The following HNRNPL variants were observed in gnomAD, a reference collection of about 807,000 sequenced individuals.
HNRNPL encodes epididymis secretory sperm binding protein.
A neutral mutation model predicts 64.0 loss-of-function variants in HNRNPL; 12 were observed. That is an observed-to-expected ratio of 0.19 (90% CI 0.12 to 0.30). HNRNPL has a LOEUF of 0.30. Among genes scored for constraint, HNRNPL ranks in the 10% least tolerant of loss-of-function variants. The pLI, the probability that HNRNPL is intolerant of heterozygous loss-of-function variation, is 1.00. For synonymous variants in HNRNPL, 385 were observed against 313.0 expected (o/e 1.23, Z -2.43); for missense variants, 484 against 797.4 (o/e 0.61, Z 4.73).
Position 38,847,437 on chromosome 19 carries a change from G to C in HNRNPL, c.268-3C>G. 6.8e-7 allele frequency: 1 copy of C among 1,481,316 alleles called. No individual in the cohort carries two copies. The highest frequency in any genetic ancestry group is 9.0e-7 in the Non-Finnish European group (1 of 1,106,580). The allele number at this position is 1,481,316 out of a possible 1,614,324, so 91.8% of individuals were successfully genotyped here. ...TTGTGCGGGTCATCGTAGTTCTCCT[G>C]AGAAAGGAAGCAAAAACAAGAATTA... On this transcript the variant is annotated splice_polypyrimidine_tract_variant and splice_region_variant and intron_variant, in intron 1 of 12. Transcript: ENST00000221419.
intron 6 of HNRNPL, chr19:38,841,555 A>G: frequency 1.4e-6 from 1 of 723,020 alleles, no homozygotes; most frequent in Non-Finnish European, 2.1e-6. Context: ...TACTTACAGC[A>G]GAAGTACAGA....
chr19:38,837,423 T>A lies in HNRNPL; in HGVS notation c.1672A>T (p.Thr558Ser). The stretch of plus-strand genomic sequence containing the variant: ...TGGTAATGGTTCAGGAAGCCCAGAG[T>A]CTCCAGGGCATCGCTCTTGGATTCC... ...EWESKSDALE[T>S]LGFLNHYQMK... The change falls in exon 12 of 13, where the codon ACT (threonine) becomes TCT (serine). Residue 558 changes from threonine to serine, a missense_variant. Physicochemically the swap from Thr to Ser is moderately conservative, Grantham distance 58. This residue lies in a region of HNRNPL where 69 missense variants were observed against 91.8 expected (regional missense o/e 0.75). Transcript: ENST00000221419. 2 of 1,613,934 alleles carry A rather than the reference T, an allele frequency of 1.2e-6. No homozygotes were observed. The highest frequency in any genetic ancestry group is 1.7e-6 in the Non-Finnish European group (2 of 1,179,938).
intron 9 of HNRNPL, 93 bp downstream of exon 9, chr19:38,838,801 C>CA: frequency 6.5e-7 from 1 of 1,530,376 alleles, no homozygotes; most frequent in Non-Finnish European, 9.0e-7. Context: ...TGTGAGTCAA[C>CA]ACCTCGGCCT....
At chr19:38,848,735 C>A (rs1972390294) in intron 1 of HNRNPL, among the ~76,000 whole-genome samples, 2 of 152,228 alleles carry the variant, frequency 1.3e-5, no homozygotes. Context: ...CACCTCATCT[C>A]ATCTCTCTCC....
At chr19:38,838,674 G>T (rs1972010228) in intron 9 of HNRNPL, 76 bp from the exon 10 acceptor site, 2 of 1,456,058 alleles carry the variant, frequency 1.4e-6, no homozygotes, top group East Asian at 2.3e-5. Context: ...GCCTCCAGAG[G>T]CTTAGCTTGC....
chr19:38,840,796 A>AC, intron 6 of HNRNPL: 1 of 539,400 alleles, frequency 1.9e-6, no homozygotes. Context: ...TTGTTCTGTG[A>AC]AGGACAAGGC....
chr19:38,848,633 G>A (rs1363646094), intron 1 of HNRNPL, among the ~76,000 whole-genome samples: 1 of 152,206 alleles, frequency 6.6e-6, no homozygotes, highest in Non-Finnish European at 1.5e-5. Flanking sequence ...GCGAACCACA[G>A]GGTGAGGCAC....
rs1312535064 is a variant in HNRNPL, at chr19:38,838,498, A to C, written c.1456T>G (p.Ser486Ala). ...DFSESRNNRF[S>A]TPEQAAKNRI... Reference sequence around the variant, plus strand: ...TTCTTGGCTGCCTGCTCTGGGGTGGAGAACCGATTGTTCCGGGATTCACTG... The same window carrying C: ...TTCTTGGCTGCCTGCTCTGGGGTGGCGAACCGATTGTTCCGGGATTCACTG... Residue 486 changes from serine (S) to alanine (A), a missense_variant, in exon 10 of 13, where the codon TCC becomes GCC. Coordinates refer to ENST00000221419, the MANE Select transcript of HNRNPL (RefSeq NM_001533.3). The C allele has an allele frequency of 6.2e-7, 1 of 1,614,006 alleles. No homozygotes were observed. The highest frequency in any genetic ancestry group is 1.3e-5 in the African/African-American group (1 of 74,908).
At chr19:38,846,870 C>T (rs140520929) in intron 2 of HNRNPL, among the ~76,000 whole-genome samples, 1 of 152,230 alleles carries the variant, frequency 6.6e-6, no homozygotes, top group East Asian at 1.9e-4. Flanking sequence ...ATTGTCACTG[C>T]ACTCCAGCCT....
intron 8 of HNRNPL, among the ~76,000 whole-genome samples, chr19:38,839,861 G>A (rs1455963588): frequency 2.0e-5 from 3 of 152,176 alleles, no homozygotes; most frequent in Non-Finnish European, 4.4e-5. Flanking sequence ...ACTGGTATTA[G>A]TACTTTTATG....
intron 2 of HNRNPL, among the ~76,000 whole-genome samples, 179 bp downstream of exon 2, chr19:38,847,137 G>C (rs776513239): frequency 6.6e-6 from 1 of 152,166 alleles, no homozygotes; most frequent in South Asian, 2.1e-4. Flanking sequence ...AAGGAAAAAG[G>C]GTCATGGAAC....
Position 38,849,860 on chromosome 19 carries a change from G to T in HNRNPL, c.107C>A (p.Ala36Glu). 8.2e-7 allele frequency: 1 copy of T among 1,216,558 alleles called. No individual in the cohort carries two copies. Among genetic ancestry groups the T allele is most frequent in the Non-Finnish European group, 1.2e-6 (1 of 862,078 alleles). The allele number at this position is 1,216,558 out of a possible 1,614,324, so 75.4% of individuals were successfully genotyped here. A position where few individuals can be genotyped will look rare whatever the true frequency, so the allele number is the denominator to read the frequency against. Reference protein sequence around the residue: ...RRRSGAMVKMAAAGGGGGGGR... With the variant: ...RRRSGAMVKMEAAGGGGGGGR... ...ACCGCCGCCTCCGCCGCCCGCCGCC[G>T]CCATCTTCACCATCGCTCCCGACCG... Residue 36 changes from alanine to glutamate, a missense_variant, in exon 1 of 13, where the codon GCG becomes GAG. By Grantham distance (107) the Ala-to-Glu change is moderately radical (BLOSUM62 -1). Coordinates refer to ENST00000221419, the MANE Select transcript of HNRNPL (RefSeq NM_001533.3).
rs535615136 is a variant in HNRNPL at position 38,839,021 on chromosome 19, G to A, written c.1234-6C>T. ...TTGCTTTTCATGAATTTCACCTTGG[G>A]GAGAGTAGCTGCAGTCAGCACCTCT... On this transcript the variant is annotated splice_polypyrimidine_tract_variant and splice_region_variant and intron_variant, in intron 8 of 12. Coordinates refer to ENST00000221419, the MANE Select transcript of HNRNPL (RefSeq NM_001533.3). 2 of 1,613,920 alleles carry A rather than the reference G, an allele frequency of 1.2e-6. No individual in the cohort carries two copies. The highest frequency in any genetic ancestry group is 1.3e-5 in the African/African-American group (1 of 75,002).
Position 38,847,407 on chromosome 19 carries a change from G to A in HNRNPL, c.295C>T (p.Pro99Ser). 1 of 1,550,376 alleles carries A rather than the reference G, an allele frequency of 6.5e-7. No individual in the cohort carries two copies. The highest frequency in any genetic ancestry group is 8.7e-7 in the Non-Finnish European group (1 of 1,149,254). ...CTGATGTGGACAACTGGGGAGGCAG[G>A]GGTTTTGTGCGGGTCATCGTAGTTC... ...GENYDDPHKT[P>S]ASPVVHIRGL... Residue 99 changes from proline to serine, a missense_variant, in exon 2 of 13, where the codon CCT becomes TCT. This residue lies in a region of HNRNPL where 190 missense variants were observed against 160.1 expected (regional missense o/e 1.19). Coordinates refer to ENST00000221419, the MANE Select transcript of HNRNPL (RefSeq NM_001533.3).
chr19:38,840,385 T>C lies in HNRNPL; in HGVS notation c.953-9A>G. 6.6e-7 allele frequency: 1 copy of C among 1,515,132 alleles called. No individual in the cohort carries two copies. The highest frequency in any genetic ancestry group is 2.4e-5 in the East Asian group (1 of 42,370). 93.9% of individuals were successfully genotyped at this position (1,515,132 alleles called of 1,614,324 possible). A position where few individuals can be genotyped will look rare whatever the true frequency, so the allele number is the denominator to read the frequency against. ...CCCACCGTGGGGCCCTCCTGGGGGG[T>C]GGGAAGGAAAGAGAGGGAGGACGGG... is the stretch of plus-strand genomic sequence containing the variant. On this transcript the variant is annotated splice_polypyrimidine_tract_variant and intron_variant, in intron 7 of 12. Coordinates refer to ENST00000221419, the MANE Select transcript of HNRNPL (RefSeq NM_001533.3).
upstream of HNRNPL, chr19:38,851,267 T>C (rs1464129505): frequency 6.6e-6 from 1 of 152,264 alleles, no homozygotes; most frequent in African/African-American, 2.4e-5. Flanking sequence ...ACCAAGAGAA[T>C]GTCGGAGGGT....
At position 38,839,032 on chromosome 19, in the gene HNRNPL, G is replaced by C; in HGVS notation, c.1234-17C>G. ...GAATTTCACCTTGGGGAGAGTAGCT[G>C]CAGTCAGCACCTCTGTCCAGCTGCC... On this transcript the variant is annotated splice_polypyrimidine_tract_variant and intron_variant, in intron 8 of 12. Transcript: ENST00000221419. 6.2e-7 allele frequency: 1 copy of C among 1,613,730 alleles called. No individual in the cohort carries two copies. Among genetic ancestry groups the C allele is most frequent in the Non-Finnish European group, 8.5e-7 (1 of 1,179,820 alleles).
intron 6 of HNRNPL, chr19:38,841,909 T>A (rs1301270837): frequency 3.3e-5 from 12 of 360,050 alleles, no homozygotes; most frequent in African/African-American, 2.1e-4. Flanking sequence ...GGTGGTGCGG[T>A]GCTTCTGGCT....
At chr19:38,851,533 C>T (rs1470618698), upstream of HNRNPL, among the ~76,000 whole-genome samples, 1 of 152,152 alleles carries the variant, frequency 6.6e-6, no homozygotes, top group Non-Finnish European at 1.5e-5. Flanking sequence ...GCGGCGGACG[C>T]CCCAAAAGTG....
Sources: gnomAD v4.1 joint callset for allele counts (sites outside exome capture counted in the v4.1 genomes callset) on GRCh38, gnomAD v4.1.1 for gene constraint, gnomAD v4.1.1 regional missense constraint, MANE v1.5 for transcripts, NCBI Gene and HGNC (gene_info 2026-07-23, HGNC 2026-07-21) for gene names.